MCC: variants seen among roughly 807,000 people sequenced by gnomAD.
The protein encoded by MCC is MCC regulator of Wnt signaling pathway, also known as colorectal mutant cancer protein.
Under a neutral mutation model 116.2 loss-of-function variants are expected in MCC, and 90 were observed. The ratio of observed to expected loss-of-function variants is 0.77; its 90% CI spans 0.65 to 0.92. MCC has a LOEUF of 0.92. Among genes scored for constraint, MCC ranks in the 40% least tolerant of loss-of-function variants. The pLI is 0.00. For missense variants in MCC, 1,516 were observed against 1,312.2 expected, an observed-to-expected ratio of 1.16 and a Z score of -2.40; for synonymous variants, 578 against 510.5, an observed-to-expected ratio of 1.13 and a Z score of -1.78.
At chr5:113,258,705 G>A (rs1275569260) in intron 3 of MCC, among the ~76,000 whole-genome samples, 7 of 152,170 alleles carry the variant, frequency 4.6e-5, no homozygotes, top group Admixed American at 4.6e-4. Flanking sequence ...CTGAGGTGAG[G>A]GTGGAAATGA....
In MCC at chr5:113,061,162, C is replaced by A. The variant is rs1340080931; in HGVS notation, c.2213+2822G>T. Among the ~76,000 whole-genome samples, 7 of 152,250 alleles carry A rather than the reference C, an allele frequency of 4.6e-5. No individual in the cohort carries two copies. In the East Asian group the frequency reaches 1.3e-3, roughly 29 times the overall value. On this transcript the variant is annotated intron_variant, in intron 14 of 18. Coordinates refer to ENST00000408903, the MANE Select transcript of MCC (RefSeq NM_001085377.2). Reference sequence around the variant, plus strand: ...AGAGTGAGTGGCCACACAGGCAGCACCCTGGCTACCTGGAGGTACCTAGAG... The same window carrying A: ...AGAGTGAGTGGCCACACAGGCAGCAACCTGGCTACCTGGAGGTACCTAGAG...
chr5:113,409,006 G>A (rs1391136754), intron 1 of MCC, among the ~76,000 whole-genome samples: 2 of 152,172 alleles, frequency 1.3e-5, no homozygotes, highest in East Asian at 1.9e-4. Context: ...AGCTTAGGAC[G>A]TGGATCAATT....
chr5:113,333,009 T>TA (rs1240404781), intron 3 of MCC, among the ~76,000 whole-genome samples: 1 of 151,452 alleles, frequency 6.6e-6, no homozygotes, highest in Non-Finnish European at 1.5e-5. Flanking sequence ...AGAGGGAGAA[T>TA]AATAAGGACT....
intron 1 of MCC, among the ~76,000 whole-genome samples, chr5:113,454,286 G>A (rs1036143837): frequency 3.9e-5 from 6 of 152,092 alleles, no homozygotes; most frequent in African/African-American, 9.7e-5. Context: ...TATATTTTTT[G>A]TAGAGACAGG....
At chr5:113,308,794 C>A (rs1029260001) in intron 3 of MCC, among the ~76,000 whole-genome samples, 1 of 149,056 alleles carries the variant, frequency 6.7e-6, no homozygotes, top group South Asian at 2.1e-4. Context: ...CAGAGCAAGA[C>A]CCTAAGACCC....
chr5:113,235,418 T>G (rs1405550072), intron 3 of MCC, among the ~76,000 whole-genome samples: 1 of 152,224 alleles, frequency 6.6e-6, no homozygotes, highest in African/African-American at 2.4e-5. Context: ...ACTATGTTAG[T>G]GCATTAGTTT....
chr5:113,289,545 G>A (rs1410675076), intron 3 of MCC, among the ~76,000 whole-genome samples: 2 of 151,898 alleles, frequency 1.3e-5, no homozygotes, highest in Admixed American at 1.3e-4. Flanking sequence ...TCCTGTGCCC[G>A]TTTCACTTCC....
At chr5:113,032,099 CTATT>C (rs1750993680) in intron 17 of MCC, among the ~76,000 whole-genome samples, 3 of 152,142 alleles carry the variant, frequency 2.0e-5, no homozygotes, top group South Asian at 2.1e-4. Flanking sequence ...TGTAAAATAT[CTATT>C]TAGTTTAAAA....
chr5:113,068,203 G>C lies in MCC; in HGVS notation c.1926-20C>G. 1 of 1,594,502 alleles carries C rather than the reference G, an allele frequency of 6.3e-7. No individual in the cohort carries two copies. The stretch of plus-strand genomic sequence containing the variant: ...TGCTCGCTGAAACAAAGCACATGGG[G>C]CCTCAGCCCTTGCAGAGAACAGCGG... On this transcript the variant is annotated intron_variant, in intron 12 of 18. Transcript: ENST00000408903.
intron 2 of MCC, among the ~76,000 whole-genome samples, chr5:113,371,910 C>G (rs987995324): frequency 5.3e-5 from 8 of 152,158 alleles, no homozygotes; most frequent in African/African-American, 1.9e-4. Context: ...TAAACACTTT[C>G]TGTAAGCAGA....
chr5:113,216,967 G>A (rs976809086), intron 3 of MCC, among the ~76,000 whole-genome samples: 6 of 152,178 alleles, frequency 3.9e-5, no homozygotes, highest in African/African-American at 1.4e-4. Flanking sequence ...CAATTTTGGT[G>A]CTCAATAAGT....
Position 113,043,527 on chromosome 5 carries a change from T to C in MCC, c.2756+3A>G. The C allele has an allele frequency of 1.2e-6, 2 of 1,613,374 alleles. No homozygotes were observed. Among genetic ancestry groups the C allele is most frequent in the Non-Finnish European group, 8.5e-7 (1 of 1,179,526 alleles). On this transcript the variant is annotated splice_donor_region_variant and intron_variant, in intron 17 of 18. Coordinates refer to ENST00000408903, the MANE Select transcript of MCC (RefSeq NM_001085377.2). Reference sequence around the variant, plus strand: ...CCAGCTGGGGTGGGGAAAGGGTGCTTACCGACGAATGGCGTTGGTGAACTC... The same window carrying C: ...CCAGCTGGGGTGGGGAAAGGGTGCTCACCGACGAATGGCGTTGGTGAACTC...
At chr5:113,472,280 T>A (rs1772116241) in intron 1 of MCC, among the ~76,000 whole-genome samples, 1 of 152,250 alleles carries the variant, frequency 6.6e-6, no homozygotes, top group South Asian at 2.1e-4. Context: ...AGACCGGAGC[T>A]GTTCCTATTC....
rs138279877 is a variant in MCC at position 113,093,855 on chromosome 5, C to A, written c.1398+7884G>T. Among the ~76,000 whole-genome samples, 369 of 152,260 alleles carry A rather than the reference C, an allele frequency of 2.4e-3. 17 individuals carry two copies. The South Asian group carries it at 0.068, about 28-fold the overall frequency. On this transcript the variant is annotated intron_variant, in intron 8 of 18. Coordinates refer to ENST00000408903, the MANE Select transcript of MCC (RefSeq NM_001085377.2). ...TTAGCCATAAAAGAAAGAGCCTGTTCTGCTGATGATACGTAGCAGTACTCA... is the reference window on the plus strand; with the variant it reads ...TTAGCCATAAAAGAAAGAGCCTGTTATGCTGATGATACGTAGCAGTACTCA...
chr5:113,283,887 C>T (rs139056613), intron 3 of MCC, among the ~76,000 whole-genome samples: 125 of 152,294 alleles, frequency 8.2e-4, no homozygotes, highest in Admixed American at 5.4e-3. Context: ...CAAAACCAAA[C>T]CTCCCTCTTC....
At chr5:113,487,511 G>T (rs1772566616) in intron 1 of MCC, among the ~76,000 whole-genome samples, 1 of 152,256 alleles carries the variant, frequency 6.6e-6, no homozygotes, top group Admixed American at 6.5e-5. Context: ...TCTGTAGGAA[G>T]TGCGGGGGAT....
At chr5:113,079,586 G>A (rs1754701028) in intron 11 of MCC, among the ~76,000 whole-genome samples, 1 of 152,206 alleles carries the variant, frequency 6.6e-6, no homozygotes, top group Non-Finnish European at 1.5e-5. Context: ...AAATGGTGCT[G>A]GGAAAACTGG....
At chr5:113,216,398 C>T (rs77755754) in intron 3 of MCC, among the ~76,000 whole-genome samples, 3,607 of 152,218 alleles carry the variant, frequency 0.024, 172 homozygotes, top group African/African-American at 0.082. Flanking sequence ...CTGACACGTT[C>T]TTTGTCTTTC....
chr5:113,137,084 G>C (rs987613314), intron 5 of MCC, among the ~76,000 whole-genome samples: 2 of 152,172 alleles, frequency 1.3e-5, no homozygotes, highest in African/African-American at 4.8e-5. Flanking sequence ...AACTTATAAA[G>C]GAAAGAGGTT....
Sources: gnomAD v4.1 joint callset for allele counts (sites outside exome capture counted in the v4.1 genomes callset) on GRCh38, gnomAD v4.1.1 for gene constraint, MANE v1.5 for transcripts, NCBI Gene and HGNC (gene_info 2026-07-23, HGNC 2026-07-21) for gene names.